ERI3: variants seen among roughly 807,000 people sequenced by gnomAD.
ERI3 encodes ERI1 exoribonuclease 3.
In ERI3, 18 loss-of-function variants were observed where a neutral mutation model predicts 44.4. That is an observed-to-expected ratio of 0.41 (90% CI 0.28 to 0.60). ERI3 has a LOEUF of 0.60. Among genes scored for constraint, ERI3 ranks in the 20% least tolerant of loss-of-function variants. ERI3 has a pLI of 0.36. For missense variants in ERI3, 294 were observed against 435.5 expected, an observed-to-expected ratio of 0.68 and a Z score of 2.89; for synonymous variants, 183 against 164.8, an observed-to-expected ratio of 1.11 and a Z score of -0.84.
At chr1:44,262,928 G>C (rs907607905) in intron 7 of ERI3, among the ~76,000 whole-genome samples, 1 of 151,978 alleles carries the variant, frequency 6.6e-6, no homozygotes, top group South Asian at 2.1e-4. Context: ...TACTCCCACC[G>C]TTCACTCCCA....
intron 6 of ERI3, among the ~76,000 whole-genome samples, chr1:44,293,295 G>T (rs1645546297): frequency 6.6e-6 from 1 of 152,248 alleles, no homozygotes; most frequent in African/African-American, 2.4e-5. Flanking sequence ...GAGCCCCAAG[G>T]TGAGGCCGGG....
chr1:44,329,189 G>A (rs1646378852), intron 3 of ERI3, among the ~76,000 whole-genome samples: 1 of 152,176 alleles, frequency 6.6e-6, no homozygotes, highest in African/African-American at 2.4e-5. Flanking sequence ...ACAGACACAA[G>A]CCAGGAGCTT....
chr1:44,314,650 C>T (rs161725), intron 4 of ERI3, among the ~76,000 whole-genome samples: 86,542 of 151,898 alleles, frequency 0.57, 26,473 homozygotes, highest in East Asian at 0.74. Context: ...AAAGATGGTC[C>T]GCTAAGGGCT....
intron 6 of ERI3, among the ~76,000 whole-genome samples, chr1:44,287,409 A>G (rs1645415906): frequency 6.6e-6 from 1 of 152,248 alleles, no homozygotes. Context: ...AATATTTGAC[A>G]GATAGTAACA....
At chr1:44,301,021 G>A (rs984698203) in intron 6 of ERI3, among the ~76,000 whole-genome samples, 2 of 151,590 alleles carry the variant, frequency 1.3e-5, no homozygotes, top group African/African-American at 4.8e-5. Context: ...TATTCAGGGT[G>A]AGGGCCAGGA....
rs138147628 is a variant in ERI3 at position 44,241,650 on chromosome 1, C to T, written c.931+6289G>A. On this transcript the variant is annotated intron_variant, in intron 8 of 8. Coordinates refer to ENST00000372257, the MANE Select transcript of ERI3 (RefSeq NM_024066.3). This position sits in a 1 kb window ranked among gnomAD's most constrained non-coding sequence, Gnocchi z 5.6. ...GTCTATCTGCAAGTGCTAATTTGGC[C>T]GGCATTGATCTGTCTTTCTGATTTC... is the stretch of plus-strand genomic sequence containing the variant. Among the ~76,000 whole-genome samples, 5 of 152,192 alleles carry T rather than the reference C, an allele frequency of 3.3e-5. No homozygotes were observed. Among genetic ancestry groups the T allele is most frequent in the East Asian group, 1.9e-4 (1 of 5,176 alleles).
chr1:44,244,303 C>T (rs1301920859), intron 8 of ERI3: 1 of 153,532 alleles, frequency 6.5e-6, no homozygotes, highest in Non-Finnish European at 1.5e-5. Flanking sequence ...TCCGCTACCC[C>T]AGGAGGAAGT....
At chr1:44,267,013 G>C (rs1169732623) in intron 7 of ERI3, among the ~76,000 whole-genome samples, 3 of 152,186 alleles carry the variant, frequency 2.0e-5, no homozygotes, top group African/African-American at 7.2e-5. Context: ...GGCTTCAATA[G>C]AGCAATAGGA....
At chr1:44,272,333 A>G (rs1645103334) in intron 7 of ERI3, among the ~76,000 whole-genome samples, 1 of 152,190 alleles carries the variant, frequency 6.6e-6, no homozygotes, top group Non-Finnish European at 1.5e-5. Context: ...GACTTGCTCC[A>G]GACCACACAG....
At chr1:44,296,277 G>A (rs1336296527) in intron 6 of ERI3, among the ~76,000 whole-genome samples, 2 of 152,156 alleles carry the variant, frequency 1.3e-5, no homozygotes, top group Admixed American at 1.3e-4. Flanking sequence ...TATTTAACTG[G>A]GTGACCCCTG....
chr1:44,347,208 T>TA (rs1646802513), intron 2 of ERI3, among the ~76,000 whole-genome samples: 1 of 152,204 alleles, frequency 6.6e-6, no homozygotes, highest in South Asian at 2.1e-4. Flanking sequence ...TAACTTTAAC[T>TA]AAAAGTAACT....
intron 3 of ERI3, among the ~76,000 whole-genome samples, chr1:44,320,051 G>C (rs1646167325): frequency 1.3e-5 from 2 of 152,140 alleles, no homozygotes; most frequent in African/African-American, 4.8e-5. Context: ...CTCTAGCAGA[G>C]GCTTGCTAAC....
rs186182389 is a variant in ERI3 at position 44,339,013 on chromosome 1, C to A, written c.489+32G>T. ...ATCCTCCCTCCCTCCTTGCCCCCCC[C>A]ACCTTTTCTAAAGCAATGATGGAAC... On this transcript the variant is annotated intron_variant, in intron 3 of 8. Transcript: ENST00000372257. The A allele has an allele frequency of 1.1e-3, 1,800 of 1,601,474 alleles. 2 individuals are homozygous for A. Among genetic ancestry groups the A allele is most frequent in the Non-Finnish European group, 1.4e-3 (1,655 of 1,170,402 alleles).
intron 8 of ERI3, among the ~76,000 whole-genome samples, chr1:44,246,127 G>T (rs573283851): frequency 3.3e-5 from 5 of 152,234 alleles, no homozygotes; most frequent in African/African-American, 1.2e-4. Flanking sequence ...CCTTTAACCA[G>T]GCATTCAAGG....
intron 3 of ERI3, among the ~76,000 whole-genome samples, chr1:44,335,099 G>T (rs1396568396): frequency 2.0e-5 from 3 of 152,196 alleles, no homozygotes; most frequent in African/African-American, 7.2e-5. Flanking sequence ...GAGCACTTTA[G>T]GAGGCCGAGG....
intron 7 of ERI3, among the ~76,000 whole-genome samples, chr1:44,257,945 T>C (rs1333665715): frequency 1.3e-5 from 2 of 152,342 alleles, no homozygotes; most frequent in Middle Eastern, 3.4e-3. Flanking sequence ...TAAGTTCTTA[T>C]GTTCTCCCAC....
chr1:44,239,152 G>A (rs1475492122), intron 8 of ERI3, among the ~76,000 whole-genome samples: 1 of 151,918 alleles, frequency 6.6e-6, no homozygotes, highest in African/African-American at 2.4e-5. Context: ...AGATCTAACT[G>A]CTATTCTTAG....
At chr1:44,353,417 C>T (rs1646936176) in intron 1 of ERI3, 1 of 985,316 alleles carries the variant, frequency 1.0e-6, no homozygotes, top group African/African-American at 1.7e-5. Flanking sequence ...AACTAAATCC[C>T]AAGTCAAAAC....
chr1:44,251,856 C>T (rs1644687427), intron 7 of ERI3, among the ~76,000 whole-genome samples: 1 of 152,328 alleles, frequency 6.6e-6, no homozygotes. Context: ...CCTGCTCCCT[C>T]TCACTGCTCC....
Sources: allele counts gnomAD v4.1 joint callset (sites outside exome capture counted in the v4.1 genomes callset), GRCh38; gene constraint gnomAD v4.1.1; non-coding constraint Gnocchi (gnomAD v3.1); transcripts MANE v1.5; gene names NCBI Gene and HGNC (gene_info 2026-07-23, HGNC 2026-07-21).